The following MTSS1 variants were observed in gnomAD, a reference collection of about 807,000 sequenced individuals.
MTSS1 encodes the protein MTSS I-BAR domain containing 1, also known as protein MTSS 1.
A neutral mutation model predicts 79.0 loss-of-function variants in MTSS1; 18 were observed. That is an observed-to-expected ratio of 0.23 (90% CI 0.16 to 0.34). The LOEUF (loss-of-function observed/expected upper bound fraction) is 0.34, where lower values mean the gene tolerates loss of function less well. MTSS1 is among the 10% of genes least tolerant of loss of function. The pLI, the probability that MTSS1 is intolerant of heterozygous loss-of-function variation, is 1.00. For synonymous variants in MTSS1, 341 were observed against 368.6 expected, an observed-to-expected ratio of 0.93 and a Z score of 0.86; for missense variants, 815 against 986.2, an observed-to-expected ratio of 0.83 and a Z score of 2.33.
chr8:124,698,944 CA>C (rs1407302851), intron 3 of MTSS1: 6 of 152,332 alleles, frequency 3.9e-5, no homozygotes, highest in Admixed American at 3.3e-4. Context: ...AAATTTTTTT[CA>C]TTGATTTAAT....
At chr8:124,594,249 G>A (rs113588249) in intron 3 of MTSS1, among the ~76,000 whole-genome samples, 25 of 152,338 alleles carry the variant, frequency 1.6e-4, no homozygotes, top group Admixed American at 2.6e-4. Flanking sequence ...CAGATGAACT[G>A]GCCGGGCTCA....
chr8:124,687,239 AGGGC>A, intron 3 of MTSS1, among the ~76,000 whole-genome samples: 1 of 152,200 alleles, frequency 6.6e-6, no homozygotes, highest in Non-Finnish European at 1.5e-5. Flanking sequence ...CATGGAAACC[AGGGC>A]TTGGGATCAC....
chr8:124,618,644 A>G (rs1476148830), intron 3 of MTSS1, among the ~76,000 whole-genome samples: 1 of 152,176 alleles, frequency 6.6e-6, no homozygotes. Flanking sequence ...AGGAGACACC[A>G]AGTATGAGGT....
At chr8:124,641,241 A>C (rs1817991300) in intron 3 of MTSS1, among the ~76,000 whole-genome samples, 1 of 152,186 alleles carries the variant, frequency 6.6e-6, no homozygotes, top group Non-Finnish European at 1.5e-5. Flanking sequence ...GGCCCAGTGC[A>C]GGCTGGTTAA....
intron 3 of MTSS1, among the ~76,000 whole-genome samples, chr8:124,601,856 C>T (rs1833877863): frequency 6.6e-6 from 1 of 152,186 alleles, no homozygotes; most frequent in African/African-American, 2.4e-5. Context: ...TCTGCAATCG[C>T]ACTGGCATGT....
chr8:124,640,983 G>A (rs889861585), intron 3 of MTSS1, among the ~76,000 whole-genome samples: 1 of 151,648 alleles, frequency 6.6e-6, no homozygotes, highest in Non-Finnish European at 1.5e-5. Context: ...AAAAAAACGA[G>A]TTCTCTTTTC....
chr8:124,697,755 T>A (rs1564015465), intron 3 of MTSS1, among the ~76,000 whole-genome samples: 1 of 152,212 alleles, frequency 6.6e-6, no homozygotes, highest in Non-Finnish European at 1.5e-5. Context: ...CAAGTTTCTA[T>A]AACAGACACA....
At chr8:124,685,131 C>T (rs76462205) in intron 3 of MTSS1, among the ~76,000 whole-genome samples, 2,282 of 151,930 alleles carry the variant, frequency 0.015, 71 homozygotes, top group African/African-American at 0.052. Context: ...AGTATATTCA[C>T]ATTGTTAATG....
At chr8:124,645,029 G>A (rs922046842) in intron 3 of MTSS1, among the ~76,000 whole-genome samples, 1 of 152,144 alleles carries the variant, frequency 6.6e-6, no homozygotes, top group African/African-American at 2.4e-5. Flanking sequence ...GGACATTTCT[G>A]TTCAAACACC....
intron 1 of MTSS1, among the ~76,000 whole-genome samples, chr8:124,715,337 T>C (rs1251157453): frequency 1.3e-5 from 2 of 152,228 alleles, no homozygotes; most frequent in African/African-American, 2.4e-5. Flanking sequence ...TCTTTTCTTT[T>C]TCTCTTTCTT....
At chr8:124,722,552 C>T (rs1462047527) in intron 1 of MTSS1, among the ~76,000 whole-genome samples, 2 of 152,070 alleles carry the variant, frequency 1.3e-5, no homozygotes, top group African/African-American at 4.8e-5. Context: ...CCTCAGCAAT[C>T]GTGACAATGG....
At chr8:124,557,897 G>T (rs200146187) in intron 10 of MTSS1, 22 bp from the exon 11 acceptor site, 20 of 1,532,268 alleles carry the variant, frequency 1.3e-5, no homozygotes, top group Admixed American at 7.8e-5. Flanking sequence ...CAAAAAAAGG[G>T]GGGGGGAAGG....
intron 3 of MTSS1, among the ~76,000 whole-genome samples, chr8:124,653,623 C>G (rs1820404967): frequency 1.3e-5 from 2 of 152,330 alleles, no homozygotes; most frequent in South Asian, 4.1e-4. Flanking sequence ...ACTTGGGAGG[C>G]TGAGGCAGGA....
intron 3 of MTSS1, among the ~76,000 whole-genome samples, chr8:124,687,331 G>A (rs1827150445): frequency 6.6e-6 from 1 of 152,082 alleles, no homozygotes; most frequent in African/African-American, 2.4e-5. Flanking sequence ...TGGGTGGTGC[G>A]TTTACATGGC....
At position 124,718,939 on chromosome 8, in the gene MTSS1, G is replaced by C. The variant is rs115811999; in HGVS notation, c.72+8945C>G. Among the ~76,000 whole-genome samples the C allele has an allele frequency of 3.7e-3, 571 of 152,306 alleles. 9 individuals carry two copies. The highest frequency in any genetic ancestry group is 0.013 in the African/African-American group (533 of 41,576). On this transcript the variant is annotated intron_variant, in intron 1 of 13. Transcript: ENST00000518547. ...CCTCTTAATTAGAGGGAGACCCCTT[G>C]AGCTTCTGGAAGAAACTCAGAGGTG...
intron 6 of MTSS1, chr8:124,568,797 C>T: frequency 6.9e-7 from 1 of 1,446,186 alleles, no homozygotes; most frequent in East Asian, 2.5e-5. Flanking sequence ...CATGACTTGC[C>T]TTCTCACACT....
At chr8:124,658,213 G>A (rs770526302) in intron 3 of MTSS1, among the ~76,000 whole-genome samples, 2 of 152,164 alleles carry the variant, frequency 1.3e-5, no homozygotes, top group Non-Finnish European at 2.9e-5. Context: ...TAATTCCCAT[G>A]TATTGTGGGA....
At chr8:124,603,738 T>A (rs1309188326) in intron 3 of MTSS1, among the ~76,000 whole-genome samples, 7 of 152,132 alleles carry the variant, frequency 4.6e-5, no homozygotes, top group Non-Finnish European at 2.9e-5. Context: ...GAGACAAATA[T>A]CCCCTCTCCA....
intron 1 of MTSS1, among the ~76,000 whole-genome samples, chr8:124,711,324 G>A (rs1231271003): frequency 6.6e-6 from 1 of 152,182 alleles, no homozygotes; most frequent in Non-Finnish European, 1.5e-5. Context: ...CATTCTCACT[G>A]CATGCTCACA....
Sources: allele counts gnomAD v4.1 joint callset (sites outside exome capture counted in the v4.1 genomes callset), GRCh38; gene constraint gnomAD v4.1.1; transcripts MANE v1.5; gene names NCBI Gene and HGNC (gene_info 2026-07-23, HGNC 2026-07-21).